LAMA3: variants seen among roughly 807,000 people sequenced by gnomAD.
LAMA3 encodes the protein laminin subunit alpha-3.
LAMA3 carries 281 observed loss-of-function variants against 402.0 expected under a neutral mutation model. The observed-to-expected ratio is 0.70, with a 90% confidence interval of 0.63 to 0.77. LAMA3 has a LOEUF of 0.77. Ranked by LOEUF, LAMA3 falls within the 30% of genes least tolerant of loss-of-function variation. LAMA3 has a pLI of 0.00. For missense variants in LAMA3, 3,840 were observed against 4,215.5 expected (o/e 0.91, Z 2.47); for synonymous variants, 1,431 against 1,558.4 (o/e 0.92, Z 1.93).
rs150015882 is a variant in LAMA3, at chr18:23,816,514, T to C, written c.2147+27T>C. The C allele has an allele frequency of 1.1e-4, 168 of 1,563,392 alleles. No individual in the cohort carries two copies. In the African/African-American group the frequency reaches 2.1e-3, roughly 20 times the overall value. The stretch of plus-strand genomic sequence containing the variant: ...TGAGTCTTCGGGAGGCTTCTTCCCA[T>C]GTTCAGGGTGTGAAAGATGGTCTTA... On this transcript the variant is annotated intron_variant, in intron 18 of 74. Coordinates refer to ENST00000313654, the MANE Select transcript of LAMA3 (RefSeq NM_198129.4).
intron 13 of LAMA3, 130 bp downstream of exon 13, chr18:23,810,633 T>C (rs2144284450): frequency 9.8e-7 from 1 of 1,019,574 alleles, no homozygotes; most frequent in East Asian, 2.5e-5. Flanking sequence ...TTCACAGATC[T>C]AGTCTGCTTG....
intron 67 of LAMA3, among the ~76,000 whole-genome samples, chr18:23,936,622 C>T (rs1254882123): frequency 1.3e-5 from 2 of 152,072 alleles, no homozygotes; most frequent in African/African-American, 2.4e-5. Flanking sequence ...AAGTTGAGGG[C>T]GTGGCTTCTG....
intron 66 of LAMA3, among the ~76,000 whole-genome samples, chr18:23,933,022 T>A (rs1036847075): frequency 2.0e-5 from 3 of 152,208 alleles, no homozygotes; most frequent in Non-Finnish European, 4.4e-5. Context: ...CCAGGGGTTG[T>A]TAGCAACAGC....
At chr18:23,715,286 T>TAA (rs113341834) in intron 2 of LAMA3, among the ~76,000 whole-genome samples, 2 of 138,900 alleles carry the variant, frequency 1.4e-5, no homozygotes, top group African/African-American at 5.3e-5. Flanking sequence ...ATAAAACTGT[T>TAA]AAAAAAAAAA....
rs759564185 is a variant in LAMA3, at chr18:23,871,562, G to T, written c.4899G>T (p.Glu1633Asp). The change falls in exon 38 of 75, where the codon GAG becomes GAT. Residue 1633 changes from glutamate (E) to aspartate (D), a missense_variant. Coordinates refer to ENST00000313654, the MANE Select transcript of LAMA3 (RefSeq NM_198129.4). ...FTETQRLTLS[E>D]VGLEEASDTG... ...AGACTCAAAGGCTCACCCTGAGCGAGGTGGGGCTAGAGGAAGCCTCTGACA... is the reference window on the plus strand; with the variant it reads ...AGACTCAAAGGCTCACCCTGAGCGATGTGGGGCTAGAGGAAGCCTCTGACA... 7 of 1,614,218 alleles carry T rather than the reference G, an allele frequency of 4.3e-6. No individual in the cohort carries two copies. The South Asian group carries it at 7.7e-5, about 18-fold the overall frequency.
chr18:23,946,927 C>CCA (rs2082731994), intron 70 of LAMA3: 1 of 152,666 alleles, frequency 6.6e-6, no homozygotes, highest in South Asian at 2.1e-4. Context: ...TAGCACAAAG[C>CCA]CAAAAGCTGT....
intron 2 of LAMA3, among the ~76,000 whole-genome samples, chr18:23,727,442 C>T (rs931483432): frequency 2.0e-5 from 3 of 152,172 alleles, no homozygotes; most frequent in African/African-American, 7.2e-5. Context: ...TTTCCTGCCT[C>T]AGCCTCCCCA....
At chr18:23,931,711 T>C (rs1311024829) in intron 65 of LAMA3, 2 of 225,326 alleles carry the variant, frequency 8.9e-6, no homozygotes, top group African/African-American at 2.3e-5. Context: ...TATACAAAGT[T>C]CAAAAACAGG....
At chr18:23,888,144 C>T (rs1156381636) in intron 41 of LAMA3, among the ~76,000 whole-genome samples, 1 of 152,144 alleles carries the variant, frequency 6.6e-6, no homozygotes. Flanking sequence ...AGGTAGAATA[C>T]CAAGCCAGTC....
At chr18:23,707,930 T>G (rs1196235004) in intron 1 of LAMA3, among the ~76,000 whole-genome samples, 2 of 152,164 alleles carry the variant, frequency 1.3e-5, no homozygotes, top group East Asian at 3.9e-4. Context: ...CATAGTCAGA[T>G]TTATCCATCT....
chr18:23,874,344 C>T (rs4420611), intron 38 of LAMA3, among the ~76,000 whole-genome samples: 23,683 of 152,182 alleles, frequency 0.16, 4,109 homozygotes, highest in African/African-American at 0.41. Flanking sequence ...GGCTGCATTT[C>T]GTTCACATGT....
intron 36 of LAMA3, 68 bp from the exon 37 acceptor site, chr18:23,867,766 T>C: frequency 1.7e-6 from 2 of 1,211,828 alleles, no homozygotes; most frequent in Admixed American, 3.4e-5. Context: ...AATGTTTTCT[T>C]AGATCAGTTA....
In LAMA3 at chr18:23,839,727, C is replaced by G. The variant is rs960229080; in HGVS notation, c.3192-58C>G. On this transcript the variant is annotated intron_variant, in intron 26 of 74. Coordinates refer to ENST00000313654, the MANE Select transcript of LAMA3 (RefSeq NM_198129.4). The surrounding 1 kb of genome is among the most constrained non-coding windows in gnomAD (Gnocchi z 4.5). ...CCAAGTCTGTCTCTTCACTGATGGT[C>G]AGTTCTGTAGCTTTGGGTTCTTTTA... 1 of 1,581,038 alleles carries G rather than the reference C, an allele frequency of 6.3e-7. No homozygotes were observed. The highest frequency in any genetic ancestry group is 1.3e-5 in the African/African-American group (1 of 74,236).
At chr18:23,835,644 G>A (rs779514812) in intron 24 of LAMA3, among the ~76,000 whole-genome samples, 3 of 152,036 alleles carry the variant, frequency 2.0e-5, no homozygotes, top group African/African-American at 7.2e-5. Flanking sequence ...ATTTTTTCAC[G>A]TGGCTAAAAT....
chr18:23,781,169 C>T, intron 11 of LAMA3: 1 of 357,032 alleles, frequency 2.8e-6, no homozygotes, highest in Non-Finnish European at 5.7e-6. Context: ...TTCACTGAAT[C>T]TCAATACTTC....
intron 32 of LAMA3, among the ~76,000 whole-genome samples, chr18:23,856,468 C>T (rs527647301): frequency 5.5e-4 from 84 of 152,288 alleles, no homozygotes; most frequent in Admixed American, 5.9e-4. Context: ...GTAGGTAGAT[C>T]CCAGCTCTGA....
In LAMA3 at chr18:23,901,198, G is replaced by C. The variant is rs1202528764; in HGVS notation, c.6076G>C (p.Asp2026His). The C allele has an allele frequency of 2.5e-6, 4 of 1,614,208 alleles. No individual in the cohort carries two copies. Among genetic ancestry groups the C allele is most frequent in the Non-Finnish European group, 3.4e-6 (4 of 1,180,030 alleles). Residue 2026 changes from aspartate (D) to histidine (H), a missense_variant, in exon 48 of 75, where the codon GAT becomes CAT. This residue lies in a region of LAMA3 where 891 missense variants were observed against 857.5 expected (regional missense o/e 1.04). Coordinates refer to ENST00000313654, the MANE Select transcript of LAMA3 (RefSeq NM_198129.4). ...ENNGLANSIR[D>H]SLNEYEAKLS... ...CAATGGGCTTGCTAACAGTATCCGG[G>C]ATTCTTTAAATGAATACGAAGCCAA...
At chr18:23,720,831 G>T (rs2061198481) in intron 2 of LAMA3, among the ~76,000 whole-genome samples, 1 of 152,122 alleles carries the variant, frequency 6.6e-6, no homozygotes, top group Admixed American at 6.5e-5. Flanking sequence ...ACATTAGGAA[G>T]AATCTGGAAA....
rs760481212 is a variant in LAMA3 at position 23,821,924 on chromosome 18, G to A, written c.2305-328G>A. ...TTTCCTAGCCAGTGGTGGTTGCTCC[G>A]TCACTGTGGCTTTCTTAAACTAGCC... On this transcript the variant is annotated intron_variant, in intron 19 of 74. Coordinates refer to ENST00000313654, the MANE Select transcript of LAMA3 (RefSeq NM_198129.4). Among the ~76,000 whole-genome samples the A allele has an allele frequency of 1.2e-4, 19 of 152,094 alleles. 1 individual carries two copies. Among genetic ancestry groups the A allele is most frequent in the Non-Finnish European group, 2.5e-4 (17 of 68,040 alleles).
Sources: gnomAD v4.1 joint callset for allele counts (sites outside exome capture counted in the v4.1 genomes callset) on GRCh38, gnomAD v4.1.1 for gene constraint, gnomAD v4.1.1 regional missense constraint, Gnocchi (gnomAD v3.1) non-coding constraint, MANE v1.5 for transcripts, NCBI Gene and HGNC (gene_info 2026-07-23, HGNC 2026-07-21) for gene names.